The following ZEB2 variants were observed in gnomAD, a reference collection of about 807,000 sequenced individuals.
ZEB2 encodes zinc finger E-box binding homeobox 2, also known as zinc finger E-box-binding homeobox 2.
Under a neutral mutation model 99.9 loss-of-function variants are expected in ZEB2, and 6 were observed. The ratio of observed to expected loss-of-function variants is 0.06; its 90% CI spans 0.03 to 0.12. ZEB2 has a LOEUF of 0.12. Among genes scored for constraint, ZEB2 ranks in the 10% least tolerant of loss-of-function variants. ZEB2 has a pLI of 1.00. For missense variants in ZEB2, 969 were observed against 1,502.8 expected, an observed-to-expected ratio of 0.64 and a Z score of 5.87; for synonymous variants, 517 against 542.5, an observed-to-expected ratio of 0.95 and a Z score of 0.65.
At chr2:144,414,532 G>T (rs993565909) in intron 4 of ZEB2, among the ~76,000 whole-genome samples, 1 of 151,866 alleles carries the variant, frequency 6.6e-6, no homozygotes, top group East Asian at 1.9e-4. Context: ...TAATTTTTTT[G>T]TTCATGCTTC....
intron 6 of ZEB2, among the ~76,000 whole-genome samples, chr2:144,402,458 G>A (rs1021500547): frequency 7.9e-5 from 12 of 152,076 alleles, no homozygotes; most frequent in South Asian, 2.1e-4. Context: ...AGGGACCAGC[G>A]CTCATATGTT....
At chr2:144,440,460 T>A (rs1348786531) in intron 2 of ZEB2, among the ~76,000 whole-genome samples, 4 of 147,510 alleles carry the variant, frequency 2.7e-5, no homozygotes, top group Non-Finnish European at 5.9e-5. Context: ...CCCGACCAAT[T>A]GTTCAACCTC....
chr2:144,447,629 T>C (rs933980571), intron 2 of ZEB2, among the ~76,000 whole-genome samples: 4 of 152,326 alleles, frequency 2.6e-5, no homozygotes, highest in African/African-American at 9.6e-5. Flanking sequence ...AACTGTACCA[T>C]GGTACTGGAC....
intron 3 of ZEB2, chr2:144,427,672 T>A (rs1703707335): frequency 1.3e-5 from 2 of 152,118 alleles, no homozygotes; most frequent in Non-Finnish European, 2.9e-5. Context: ...ATCAGAGCAC[T>A]TTTAGAACAA....
intron 4 of ZEB2, among the ~76,000 whole-genome samples, chr2:144,422,001 A>G (rs1400342872): frequency 3.3e-5 from 5 of 152,224 alleles, no homozygotes; most frequent in African/African-American, 1.2e-4. Flanking sequence ...GCTATATGCT[A>G]AACATGCAGA....
chr2:144,513,982 C>A (rs1446216906), intron 2 of ZEB2: 1 of 1,087,330 alleles, frequency 9.2e-7, no homozygotes, highest in Non-Finnish European at 1.3e-6. Flanking sequence ...CTCCTTCCCC[C>A]TCACCCCACT....
At position 144,389,533 on chromosome 2, in the gene ZEB2, T is replaced by C. The variant is rs730881181; in HGVS notation, c.3563A>G (p.His1188Arg). ...ATCCTCCGAACTATCGTCCATGGAG[T>C]GATCTCCAGTCTCTTCTTCATCTCG... ...TIRDEEETGD[H>R]SMDDSSEDGK... The change falls in exon 10 of 10, where the codon CAC becomes CGC. Residue 1188 changes from histidine to arginine, a missense_variant. Around this residue, in one of 8 missense-constraint regions of ZEB2, gnomAD observed 121 missense variants for 166.4 expected, o/e 0.73. Coordinates refer to ENST00000627532, the MANE Select transcript of ZEB2 (RefSeq NM_014795.4). The surrounding 1 kb of genome is among the most constrained non-coding windows in gnomAD (Gnocchi z 6.8). The C allele has an allele frequency of 1.2e-6, 2 of 1,614,140 alleles. No homozygotes were observed. The highest frequency in any genetic ancestry group is 1.7e-6 in the Non-Finnish European group (2 of 1,180,046).
intron 3 of ZEB2, chr2:144,428,568 T>C (rs895293321): frequency 6.6e-6 from 1 of 152,164 alleles, no homozygotes; most frequent in African/African-American, 2.4e-5. Flanking sequence ...AAAGCAAAAT[T>C]GGAAACGGAA....
chr2:144,480,119 A>T (rs1346343033), intron 2 of ZEB2, among the ~76,000 whole-genome samples: 1 of 152,198 alleles, frequency 6.6e-6, no homozygotes, highest in Non-Finnish European at 1.5e-5. Flanking sequence ...TAGTTGACTA[A>T]ATAAATGCAA....
At chr2:144,395,353 C>T (rs1375428919) in intron 9 of ZEB2, among the ~76,000 whole-genome samples, 1 of 151,880 alleles carries the variant, frequency 6.6e-6, no homozygotes, top group African/African-American at 2.4e-5. Context: ...CATCGCTTTT[C>T]CCCCAAAAAG....
chr2:144,429,877 T>C lies in ZEB2; in HGVS notation c.223A>G (p.Ser75Gly). 1 of 1,613,840 alleles carries C rather than the reference T, an allele frequency of 6.2e-7. No homozygotes were observed. The highest frequency in any genetic ancestry group is 1.7e-5 in the Admixed American group (1 of 59,946). Residue 75 changes from serine to glycine, a missense_variant, in exon 3 of 10, where the codon AGC becomes GGC. Transcript: ENST00000627532. ...TCCTCTCTTGGCAACAGAGCTTGGC[T>C]CACGTGTGGGGAGGACTCATGGTTG... ...VPNHESSPHV[S>G]QALLPREEEE...
intron 2 of ZEB2, chr2:144,513,390 T>G (rs1640603588): frequency 7.4e-7 from 1 of 1,356,322 alleles, no homozygotes; most frequent in Non-Finnish European, 9.7e-7. Context: ...AAAGCTCCCC[T>G]TCTCCTTCAC....
chr2:144,424,732 C>T (rs1262484601), intron 4 of ZEB2, 64 bp downstream of exon 4: 2 of 1,581,074 alleles, frequency 1.3e-6, no homozygotes, highest in Non-Finnish European at 1.7e-6. Context: ...TGTTTCCTTC[C>T]CTGCCTCACT....
chr2:144,511,592 T>C, intron 2 of ZEB2: 1 of 1,280,840 alleles, frequency 7.8e-7, no homozygotes, highest in Non-Finnish European at 1.0e-6. Context: ...TTTTTAAAAG[T>C]TTACCCTCCC....
intron 4 of ZEB2, among the ~76,000 whole-genome samples, chr2:144,405,638 A>G (rs943518108): frequency 3.3e-5 from 5 of 151,940 alleles, no homozygotes; most frequent in Non-Finnish European, 5.9e-5. Context: ...AGAATGTGGC[A>G]TTTTATCTTT....
At chr2:144,513,932 AC>A in intron 2 of ZEB2, 4 of 1,461,358 alleles carry the variant, frequency 2.7e-6, no homozygotes, top group South Asian at 1.4e-5. Context: ...CTTTCTTGAA[AC>A]CGACACACAT....
rs1703120313 is a variant in ZEB2, at chr2:144,389,134, T to C, written c.*317A>G. 1.8e-6 allele frequency: 1 copy of C among 567,492 alleles called. No individual in the cohort carries two copies. Among genetic ancestry groups the C allele is most frequent in the Admixed American group, 3.4e-5 (1 of 29,188 alleles). The allele number at this position is 567,492 out of a possible 1,614,324, so 35.2% of individuals were successfully genotyped here. A position where few individuals can be genotyped will look rare whatever the true frequency, so the allele number is the denominator to read the frequency against. ...CATAGTTTTTTAAAGTTTGTAGTGA[T>C]ACATAAGTAGAGTGCAATTCTTACA... On this transcript the variant is annotated 3_prime_UTR_variant, in exon 10 of 10. Transcript: ENST00000627532. The surrounding 1 kb of genome is among the most constrained non-coding windows in gnomAD (Gnocchi z 6.8).
Position 144,517,376 on chromosome 2 carries a change from T to C in ZEB2, c.-26A>G, listed in dbSNP as rs1334093390. ...TGATAAGAGCGGATCAGATGGCAGTTCGCATGGACTCGGCGCCCTGCTTCG... is the reference window on the plus strand; with the variant it reads ...TGATAAGAGCGGATCAGATGGCAGTCCGCATGGACTCGGCGCCCTGCTTCG... On this transcript the variant is annotated 5_prime_UTR_variant, in exon 2 of 10. Coordinates refer to ENST00000627532, the MANE Select transcript of ZEB2 (RefSeq NM_014795.4). 11 of 1,613,284 alleles carry C rather than the reference T, an allele frequency of 6.8e-6. No individual in the cohort carries two copies. Among genetic ancestry groups the C allele is most frequent in the Non-Finnish European group, 9.3e-6 (11 of 1,179,548 alleles).
intron 2 of ZEB2, among the ~76,000 whole-genome samples, chr2:144,478,510 C>G (rs1018393691): frequency 1.3e-5 from 2 of 152,176 alleles, no homozygotes; most frequent in Non-Finnish European, 2.9e-5. Context: ...CTAAGCCTAA[C>G]TTTCTTTAGG....
Sources: allele counts gnomAD v4.1 joint callset (sites outside exome capture counted in the v4.1 genomes callset), GRCh38; gene constraint gnomAD v4.1.1; regional missense constraint gnomAD v4.1.1; non-coding constraint Gnocchi (gnomAD v3.1); transcripts MANE v1.5; gene names NCBI Gene and HGNC (gene_info 2026-07-23, HGNC 2026-07-21).